ELAVL2: variants seen among roughly 807,000 people sequenced by gnomAD.
ELAVL2 encodes ELAV like RNA binding protein 2.
Under a neutral mutation model 34.6 loss-of-function variants are expected in ELAVL2, and 4 were observed. That is an observed-to-expected ratio of 0.12 (90% CI 0.06 to 0.26). ELAVL2 has a LOEUF of 0.26. ELAVL2 is among the 10% of genes least tolerant of loss of function. The pLI, the probability that ELAVL2 is intolerant of heterozygous loss-of-function variation, is 1.00. For synonymous variants in ELAVL2, 193 were observed against 154.8 expected, an observed-to-expected ratio of 1.25 and a Z score of -1.83; for missense variants, 432 against 442.8, an observed-to-expected ratio of 0.98 and a Z score of 0.22.
rs972436507 is a variant in ELAVL2, at chr9:23,692,805, T to C, written c.832A>G (p.Ile278Val). The C allele has an allele frequency of 1.2e-6, 2 of 1,614,022 alleles. No individual in the cohort carries two copies. The highest frequency in any genetic ancestry group is 8.5e-7 in the Non-Finnish European group (1 of 1,180,010). The change falls in exon 7 of 7, where the codon ATA (isoleucine) becomes GTA (valine). Residue 278 changes from isoleucine (I) to valine (V), a missense_variant. By Grantham distance (29) the Ile-to-Val change is conservative. Transcript: ENST00000397312. ...TCAGGAGCCAGGTTGTACACAAATA[T>C]ACACCACCCTGTTCCAGGGTGCCCA... ...IPGHPGTGWCIFVYNLAPDAD... is the reference protein window; with the variant it reads ...IPGHPGTGWCVFVYNLAPDAD...
At position 23,762,063 on chromosome 9, in the gene ELAVL2, G is replaced by C. The variant is rs1158795570; in HGVS notation, c.172C>G (p.Leu58Val). 4 of 1,613,222 alleles carry C rather than the reference G, an allele frequency of 2.5e-6. No homozygotes were observed. The highest frequency in any genetic ancestry group is 1.1e-5 in the South Asian group (1 of 91,052). ...TCTATTTCACCAATGCTCCCAAAGA[G>C]ACTCTTTAGTTCCTCCTGTGTCATG... ...QNMTQEELKS[L>V]FGSIGEIESC... The change falls in exon 2 of 7, where the codon CTC (leucine) becomes GTC (valine). Residue 58 changes from leucine to valine, a missense_variant. By Grantham distance (32) the Leu-to-Val change is conservative (BLOSUM62 1). Transcript: ENST00000397312.
At chr9:23,780,683 G>A (rs1340320833) in intron 1 of ELAVL2, among the ~76,000 whole-genome samples, 1 of 152,136 alleles carries the variant, frequency 6.6e-6, no homozygotes, top group Non-Finnish European at 1.5e-5. Context: ...ACACACAGCA[G>A]CACCCAAAAC....
chr9:23,722,605 G>A (rs1234652356), intron 3 of ELAVL2, among the ~76,000 whole-genome samples: 1 of 152,212 alleles, frequency 6.6e-6, no homozygotes, highest in Non-Finnish European at 1.5e-5. Flanking sequence ...TTTATTTAGA[G>A]TGGTATCTGA....
At chr9:23,791,541 T>C (rs1345322228) in intron 1 of ELAVL2, among the ~76,000 whole-genome samples, 2 of 152,158 alleles carry the variant, frequency 1.3e-5, no homozygotes, top group Admixed American at 6.5e-5. Context: ...TTTCACTCTA[T>C]TTCCTTAATT....
chr9:23,772,800 C>T (rs953380350), intron 1 of ELAVL2, among the ~76,000 whole-genome samples: 5 of 152,072 alleles, frequency 3.3e-5, no homozygotes, highest in Admixed American at 2.0e-4. Context: ...TGATGTGTAA[C>T]GTCCTGAGAT....
chr9:23,831,074 C>A (rs1247885301), upstream of ELAVL2, among the ~76,000 whole-genome samples: 1 of 152,220 alleles, frequency 6.6e-6, no homozygotes, highest in East Asian at 1.9e-4. Flanking sequence ...AGGAAACCAT[C>A]TGTCTCAGCT....
In ELAVL2 at chr9:23,771,247, T is replaced by G. The variant is rs2136307763; in HGVS notation, c.-15-8998A>C. ...ACATTATTAAGGTGCTACATTTTAA[T>G]TACATCAGTACACTGTTGAAATCCA... On this transcript the variant is annotated intron_variant, in intron 1 of 6. Coordinates refer to ENST00000397312, the MANE Select transcript of ELAVL2 (RefSeq NM_004432.5). Among the ~76,000 whole-genome samples, 2 of 152,278 alleles carry G rather than the reference T, an allele frequency of 1.3e-5. 1 individual carries two copies. Among genetic ancestry groups the G allele is most frequent in the South Asian group, 4.1e-4 (2 of 4,826 alleles).
At chr9:23,704,875 G>C (rs552363422) in intron 4 of ELAVL2, 43 bp downstream of exon 4, 5 of 1,607,444 alleles carry the variant, frequency 3.1e-6, no homozygotes, top group African/African-American at 2.7e-5. Context: ...CAATCTGCTA[G>C]TCAGAGACAG....
intron 5 of ELAVL2, 43 bp downstream of exon 5, chr9:23,701,336 C>G (rs764555510): frequency 1.9e-6 from 3 of 1,598,912 alleles, no homozygotes; most frequent in Non-Finnish European, 2.6e-6. Context: ...TGAGTATTCT[C>G]TTTCAGTTTA....
chr9:23,693,295 C>A (rs551377341), intron 6 of ELAVL2, among the ~76,000 whole-genome samples, 153 bp downstream of exon 6: 1 of 152,180 alleles, frequency 6.6e-6, no homozygotes, highest in East Asian at 1.9e-4. Context: ...TTTCTTGAGT[C>A]AATTGTGCTT....
chr9:23,741,777 T>C (rs2049258539), intron 2 of ELAVL2, among the ~76,000 whole-genome samples: 1 of 131,942 alleles, frequency 7.6e-6, no homozygotes, highest in Non-Finnish European at 1.6e-5. Context: ...CTCCCATACC[T>C]TTCTCCCTTT....
intron 2 of ELAVL2, among the ~76,000 whole-genome samples, chr9:23,743,673 C>T (rs1229607251): frequency 6.6e-6 from 1 of 152,122 alleles, no homozygotes; most frequent in East Asian, 1.9e-4. Flanking sequence ...AAAACCTAAA[C>T]ACAAAAATAA....
intron 1 of ELAVL2, among the ~76,000 whole-genome samples, chr9:23,811,671 A>G (rs3793599): frequency 0.14 from 21,270 of 152,236 alleles, 1,870 homozygotes; most frequent in Middle Eastern, 0.19. Flanking sequence ...GCTGGCACAT[A>G]ATGTTGTCAA....
chr9:23,700,496 G>C (rs961675921), intron 5 of ELAVL2, among the ~76,000 whole-genome samples: 25 of 152,136 alleles, frequency 1.6e-4, no homozygotes, highest in Admixed American at 1.3e-3. Context: ...TCTTCTTTGG[G>C]CTAAAGCCAC....
At chr9:23,823,659 A>G (rs1285355192) in intron 1 of ELAVL2, among the ~76,000 whole-genome samples, 1 of 152,240 alleles carries the variant, frequency 6.6e-6, no homozygotes, top group Non-Finnish European at 1.5e-5. Context: ...ATCTGTTCAT[A>G]GTCTGACAAA....
chr9:23,709,835 C>T (rs2040453761), intron 3 of ELAVL2, among the ~76,000 whole-genome samples: 1 of 152,194 alleles, frequency 6.6e-6, no homozygotes, highest in Admixed American at 6.5e-5. Flanking sequence ...ATTTAAGAGG[C>T]AGCCAGAGAG....
chr9:23,805,299 C>T (rs569408297), intron 1 of ELAVL2, among the ~76,000 whole-genome samples: 14 of 152,196 alleles, frequency 9.2e-5, no homozygotes, highest in Admixed American at 7.9e-4. Context: ...ATAAATAAAA[C>T]GGTACAAACA....
At chr9:23,803,473 T>C (rs897790317) in intron 1 of ELAVL2, among the ~76,000 whole-genome samples, 3 of 152,166 alleles carry the variant, frequency 2.0e-5, no homozygotes, top group East Asian at 1.9e-4. Flanking sequence ...CAGGAAGCCA[T>C]GCATGCTCCA....
the ELAVL2 span, among the ~76,000 whole-genome samples, chr9:23,837,579 T>G: frequency 3.3e-5 from 5 of 152,172 alleles, no homozygotes; most frequent in African/African-American, 1.2e-4. Context: ...ATAACACAGC[T>G]AGAAATTAAA....
Sources: gnomAD v4.1 joint callset for allele counts (sites outside exome capture counted in the v4.1 genomes callset) on GRCh38, gnomAD v4.1.1 for gene constraint, MANE v1.5 for transcripts, NCBI Gene and HGNC (gene_info 2026-07-23, HGNC 2026-07-21) for gene names.